The following CD1B variants were observed in gnomAD, a reference collection of about 807,000 sequenced individuals.
The protein encoded by CD1B is CD1b molecule.
A neutral mutation model predicts 39.8 loss-of-function variants in CD1B; 43 were observed. The observed-to-expected ratio is 1.08, with a 90% CI of 0.85 to 1.39. The LOEUF is 1.39. Among genes scored for constraint, CD1B ranks in the 40% most tolerant of loss-of-function variants. The pLI is 0.00. For missense variants in CD1B, 495 were observed against 403.8 expected, an observed-to-expected ratio of 1.23 and a Z score of -1.94; for synonymous variants, 192 against 152.5, an observed-to-expected ratio of 1.26 and a Z score of -1.91.
At chr1:158,292,452 G>T in the CD1B span, 1 of 1,511,708 alleles carries the variant, frequency 6.6e-7, no homozygotes, top group East Asian at 2.3e-5. Context: ...GGACAAGAAA[G>T]AGGACAAGAA....
At chr1:158,286,814 G>A in the CD1B span, among the ~76,000 whole-genome samples, 1 of 152,164 alleles carries the variant, frequency 6.6e-6, no homozygotes, top group Non-Finnish European at 1.5e-5. Flanking sequence ...GGCACCCTGA[G>A]GGGGAATTTC....
At chr1:158,301,733 C>T in the CD1B span, among the ~76,000 whole-genome samples, 2 of 152,092 alleles carry the variant, frequency 1.3e-5, no homozygotes, top group East Asian at 1.9e-4. Context: ...TCCTTCATTT[C>T]AACCTTCGTG....
chr1:158,323,566 A>G (rs904024216), downstream of CD1B, among the ~76,000 whole-genome samples: 7 of 152,052 alleles, frequency 4.6e-5, no homozygotes, highest in African/African-American at 1.4e-4. Flanking sequence ...ACATTGATGT[A>G]TTTGCTCTGA....
At chr1:158,328,388 A>G in intron 5 of CD1B, 131 bp from the exon 6 acceptor site, 1 of 633,978 alleles carries the variant, frequency 1.6e-6, no homozygotes, top group Non-Finnish European at 2.7e-6. Context: ...ATGGATGAAC[A>G]AAATGTGTTA....
chr1:158,329,282 T>C (rs1223708845), intron 4 of CD1B, 88 bp downstream of exon 4: 10 of 1,467,956 alleles, frequency 6.8e-6, no homozygotes, highest in Non-Finnish European at 9.3e-6. Context: ...CTCTTTCATC[T>C]CTCAAGCTCT....
downstream of CD1B, chr1:158,327,884 C>T (rs1652418920): frequency 5.5e-6 from 1 of 182,246 alleles, no homozygotes; most frequent in Non-Finnish European, 1.1e-5. Flanking sequence ...TTTTCTTTGA[C>T]AAATGATATT....
chr1:158,308,320 T>A, the CD1B span, among the ~76,000 whole-genome samples: 1 of 152,050 alleles, frequency 6.6e-6, no homozygotes, highest in South Asian at 2.1e-4. Flanking sequence ...CACTGCTCAG[T>A]GAAATAAAAG....
the CD1B span, chr1:158,293,277 C>T: frequency 6.2e-7 from 1 of 1,613,830 alleles, no homozygotes; most frequent in African/African-American, 1.3e-5. Context: ...TCTAATAGTC[C>T]TTGTGTTATG....
intron 1 of CD1B, 51 bp from the exon 2 acceptor site, chr1:158,331,113 A>G (rs369344238): frequency 7.3e-6 from 11 of 1,508,830 alleles, no homozygotes; most frequent in Non-Finnish European, 9.8e-6. Flanking sequence ...GAAGCAGGAG[A>G]CAATTAGGAA....
the CD1B span, among the ~76,000 whole-genome samples, chr1:158,308,194 G>GA: frequency 6.6e-6 from 1 of 150,530 alleles, no homozygotes; most frequent in African/African-American, 2.4e-5. Flanking sequence ...ACCAGTAACA[G>GA]ACAGAGAGCC....
At chr1:158,315,106 G>T in the CD1B span, among the ~76,000 whole-genome samples, 1 of 151,460 alleles carries the variant, frequency 6.6e-6, no homozygotes, top group Non-Finnish European at 1.5e-5. Context: ...GAATAATGCC[G>T]CAATAAACAC....
At chr1:158,305,040 C>T in the CD1B span, among the ~76,000 whole-genome samples, 2 of 152,160 alleles carry the variant, frequency 1.3e-5, no homozygotes, top group African/African-American at 2.4e-5. Flanking sequence ...CTCTCCTCCT[C>T]CAAGGGAACG....
chr1:158,324,814 C>T (rs1428713039), downstream of CD1B, among the ~76,000 whole-genome samples: 3 of 152,036 alleles, frequency 2.0e-5, no homozygotes, highest in Non-Finnish European at 4.4e-5. Context: ...AGCAACTTTG[C>T]CACATCAGGA....
chr1:158,299,807 G>C, the CD1B span, among the ~76,000 whole-genome samples: 1 of 152,154 alleles, frequency 6.6e-6, no homozygotes, highest in Non-Finnish European at 1.5e-5. Context: ...ATGGTAGTTT[G>C]TATTTTTGTG....
At chr1:158,289,614 A>C in the CD1B span, among the ~76,000 whole-genome samples, 2 of 152,214 alleles carry the variant, frequency 1.3e-5, no homozygotes. Context: ...AAGAGGGGAC[A>C]CTATGGAGAG....
the CD1B span, among the ~76,000 whole-genome samples, chr1:158,319,663 C>T: frequency 5.9e-5 from 9 of 152,322 alleles, no homozygotes; most frequent in South Asian, 2.1e-4. Context: ...TCTCTCAGCT[C>T]GTCAAAGTCG....
the CD1B span, among the ~76,000 whole-genome samples, chr1:158,298,714 T>G: frequency 6.6e-6 from 1 of 152,254 alleles, no homozygotes; most frequent in Non-Finnish European, 1.5e-5. Context: ...GTAGTTCTCC[T>G]TGAAGAGGTC....
the CD1B span, chr1:158,293,388 C>G: frequency 6.3e-7 from 1 of 1,594,692 alleles, no homozygotes; most frequent in Non-Finnish European, 8.6e-7. Context: ...CTATTGACTA[C>G]TCCACCTTAT....
At chr1:158,323,579 A>G (rs554707568), downstream of CD1B, among the ~76,000 whole-genome samples, 1 of 152,248 alleles carries the variant, frequency 6.6e-6, no homozygotes, top group South Asian at 2.1e-4. Context: ...TGCTCTGAAA[A>G]AAGGTATTTA....
Sources: gnomAD v4.1 joint callset for allele counts (sites outside exome capture counted in the v4.1 genomes callset) on GRCh38, gnomAD v4.1.1 for gene constraint, MANE v1.5 for transcripts, NCBI Gene and HGNC (gene_info 2026-07-23, HGNC 2026-07-21) for gene names.